SLC46A3: variants seen among roughly 807,000 people sequenced by gnomAD.
SLC46A3 encodes the protein lysosomal proton-coupled steroid conjugate and bile acid symporter SLC46A3.
Under a neutral mutation model 38.5 loss-of-function variants are expected in SLC46A3, and 26 were observed. The ratio of observed to expected loss-of-function variants is 0.68; its 90% CI spans 0.49 to 0.94. The LOEUF (loss-of-function observed/expected upper bound fraction) is 0.94. Among genes scored for constraint, SLC46A3 ranks in the 40% least tolerant of loss-of-function variants. The pLI is 0.00. For synonymous variants in SLC46A3, 185 were observed against 192.5 expected (o/e 0.96, Z 0.32); for missense variants, 510 against 544.3 (o/e 0.94, Z 0.63).
intron 3 of SLC46A3, among the ~76,000 whole-genome samples, chr13:28,711,356 G>A (rs1370297266): frequency 6.6e-6 from 1 of 151,850 alleles, no homozygotes; most frequent in African/African-American, 2.4e-5. Flanking sequence ...CCCGGGAGGT[G>A]GAGGTTGCAG....
chr13:28,716,745 G>GA (rs2137843380), intron 2 of SLC46A3, among the ~76,000 whole-genome samples: 1 of 152,250 alleles, frequency 6.6e-6, no homozygotes. Flanking sequence ...CCTCACCCCA[G>GA]CAAGGTTCCA....
chr13:28,711,440 A>C (rs978279672), intron 3 of SLC46A3, among the ~76,000 whole-genome samples: 77 of 143,464 alleles, frequency 5.4e-4, no homozygotes, highest in Non-Finnish European at 9.0e-4. Context: ...AAAAAAAAAC[A>C]AAAAAAAAAA....
intron 5 of SLC46A3, among the ~76,000 whole-genome samples, chr13:28,703,034 A>G (rs766218655): frequency 1.3e-5 from 2 of 152,152 alleles, no homozygotes; most frequent in Non-Finnish European, 2.9e-5. Flanking sequence ...TTCAGCAATC[A>G]TTCATCTAGT....
chr13:28,701,797 A>G (rs1885030591), intron 5 of SLC46A3, among the ~76,000 whole-genome samples: 1 of 152,186 alleles, frequency 6.6e-6, no homozygotes, highest in Non-Finnish European at 1.5e-5. Flanking sequence ...TAGACCCCTA[A>G]GGTATCCCAT....
chr13:28,713,432 G>C lies in SLC46A3; in HGVS notation c.308C>G (p.Pro103Arg), dbSNP rs1885430761. 2 of 1,613,924 alleles carry C rather than the reference G, an allele frequency of 1.2e-6. No individual in the cohort carries two copies. Among genetic ancestry groups the C allele is most frequent in the African/African-American group, 1.3e-5 (1 of 74,926 alleles). ...AGCACCAACGGAAGACAAAATCATAGGGAATTTTCGTCCGTAGTGATCACT... is the reference window on the plus strand; with the variant it reads ...AGCACCAACGGAAGACAAAATCATACGGAATTTTCGTCCGTAGTGATCACT... The part of the protein sequence containing the change: ...SISDHYGRKF[P>R]MILSSVGALA... Residue 103 changes from proline (P) to arginine (R), a missense_variant, in exon 3 of 6, where the codon CCT becomes CGT. By Grantham distance (103) the Pro-to-Arg change is moderately radical. Coordinates refer to ENST00000266943, the MANE Select transcript of SLC46A3 (RefSeq NM_181785.4).
intron 5 of SLC46A3, 52 bp from the exon 6 acceptor site, chr13:28,701,633 T>C (rs1263044604): frequency 6.5e-7 from 1 of 1,539,558 alleles, no homozygotes; most frequent in Admixed American, 2.0e-5. Context: ...AATACATAAA[T>C]AAGTAATCTG....
chr13:28,714,860 C>G (rs1028143922), intron 2 of SLC46A3, among the ~76,000 whole-genome samples: 8 of 152,164 alleles, frequency 5.3e-5, no homozygotes, highest in Non-Finnish European at 7.3e-5. Context: ...CATACACACA[C>G]AGATTGGAAG....
intron 4 of SLC46A3, among the ~76,000 whole-genome samples, chr13:28,706,475 GA>G (rs1402700750): frequency 6.6e-6 from 1 of 152,162 alleles, no homozygotes; most frequent in African/African-American, 2.4e-5. Context: ...CTAGAATAAT[GA>G]AGTCACAATT....
At chr13:28,716,970 T>G (rs1330917063) in intron 2 of SLC46A3, among the ~76,000 whole-genome samples, 2 of 150,548 alleles carry the variant, frequency 1.3e-5, no homozygotes, top group Non-Finnish European at 3.0e-5. Context: ...ACAGGTGTGA[T>G]TTGTTTTTGA....
rs988616510 is a variant in SLC46A3 at position 28,701,299 on chromosome 13, C to T, written c.*198G>A. 8 of 1,415,064 alleles carry T rather than the reference C, an allele frequency of 5.7e-6. No individual in the cohort carries two copies. The highest frequency in any genetic ancestry group is 7.4e-6 in the Non-Finnish European group (8 of 1,087,828). 87.7% of individuals were successfully genotyped at this position (1,415,064 alleles called of 1,614,324 possible). A position where few individuals can be genotyped will look rare whatever the true frequency, so the allele number is the denominator to read the frequency against. On this transcript the variant is annotated 3_prime_UTR_variant, in exon 6 of 6. Transcript: ENST00000266943. ...TGTATTGCAAGTATATTGCATGATACGCACAAAGTGCTCAAAGTGCGTGGT... is the reference window on the plus strand; with the variant it reads ...TGTATTGCAAGTATATTGCATGATATGCACAAAGTGCTCAAAGTGCGTGGT...
chr13:28,701,595 C>A lies in SLC46A3; in HGVS notation c.1302-14G>T. ...CACTTGACAACACTATAAAAGGAAA[C>A]AAGACATTTTAAAGTTGAGATTAAG... is the stretch of plus-strand genomic sequence containing the variant. On this transcript the variant is annotated splice_polypyrimidine_tract_variant and intron_variant, in intron 5 of 5. Transcript: ENST00000266943. 1.2e-6 allele frequency: 2 copies of A among 1,605,454 alleles called. No homozygotes were observed. The highest frequency in any genetic ancestry group is 1.1e-5 in the South Asian group (1 of 88,798).
At chr13:28,713,571 G>T in intron 2 of SLC46A3, 21 bp from the exon 3 acceptor site, 1 of 1,589,936 alleles carries the variant, frequency 6.3e-7, no homozygotes, top group South Asian at 1.1e-5. Flanking sequence ...ATATAAAGAA[G>T]ACAATGTGTT....
At chr13:28,703,796 T>A (rs938092322) in intron 5 of SLC46A3, 147 bp downstream of exon 5, 33 of 594,782 alleles carry the variant, frequency 5.5e-5, no homozygotes, top group African/African-American at 1.1e-4. Context: ...TATATGCTGC[T>A]GAAGCGAGCA....
chr13:28,715,636 G>A (rs1014111963), intron 2 of SLC46A3, among the ~76,000 whole-genome samples: 7 of 152,218 alleles, frequency 4.6e-5, no homozygotes, highest in Admixed American at 3.3e-4. Context: ...CTGGTGTTCT[G>A]TAGCACCACA....
chr13:28,705,767 T>A (rs1248859868), intron 4 of SLC46A3, among the ~76,000 whole-genome samples: 1 of 152,242 alleles, frequency 6.6e-6, no homozygotes, highest in Non-Finnish European at 1.5e-5. Context: ...TTAAGTCAGT[T>A]TAATTGGAAG....
At chr13:28,710,985 A>G (rs1461963325) in intron 3 of SLC46A3, 142 bp from the exon 4 acceptor site, 27 of 644,124 alleles carry the variant, frequency 4.2e-5, no homozygotes, top group Non-Finnish European at 6.7e-5. Flanking sequence ...GAATTAATTA[A>G]TTGTAGAACT....
intron 2 of SLC46A3, among the ~76,000 whole-genome samples, chr13:28,715,563 T>C (rs946468476): frequency 3.3e-5 from 5 of 152,226 alleles, no homozygotes; most frequent in Non-Finnish European, 7.3e-5. Flanking sequence ...CAGAAATTGA[T>C]GAGCCTGTAA....
chr13:28,706,075 C>A (rs150246896), intron 4 of SLC46A3, among the ~76,000 whole-genome samples: 73 of 152,086 alleles, frequency 4.8e-4, no homozygotes, highest in African/African-American at 1.7e-3. Context: ...CTTCTAAATT[C>A]TGTTTTTTTT....
At chr13:28,706,096 G>A (rs1309294473) in intron 4 of SLC46A3, among the ~76,000 whole-genome samples, 2 of 152,014 alleles carry the variant, frequency 1.3e-5, no homozygotes, top group Admixed American at 6.6e-5. Flanking sequence ...TAATGCAATA[G>A]ACCTCAAAAA....
Sources: gnomAD v4.1 joint callset for allele counts (sites outside exome capture counted in the v4.1 genomes callset) on GRCh38, gnomAD v4.1.1 for gene constraint, MANE v1.5 for transcripts, NCBI Gene and HGNC (gene_info 2026-07-23, HGNC 2026-07-21) for gene names.